The following MIPEP variants were observed in gnomAD, a reference collection of about 807,000 sequenced individuals.
The protein encoded by MIPEP is mitochondrial intermediate peptidase.
In MIPEP, 79 loss-of-function variants were observed where a neutral mutation model predicts 90.3. The observed-to-expected ratio is 0.87, with a 90% CI of 0.73 to 1.05. The LOEUF (loss-of-function observed/expected upper bound fraction) is 1.05, where lower values mean the gene tolerates loss of function less well. MIPEP is among the 50% of genes least tolerant of loss of function. The pLI, the probability that MIPEP is intolerant of heterozygous loss-of-function variation, is 0.00. For synonymous variants in MIPEP, 334 were observed against 315.8 expected (o/e 1.06, Z -0.61); for missense variants, 940 against 905.6 (o/e 1.04, Z -0.49).
intron 10 of MIPEP, among the ~76,000 whole-genome samples, chr13:23,848,434 G>T (rs577789136): frequency 6.6e-4 from 100 of 151,484 alleles, no homozygotes; most frequent in Non-Finnish European, 1.2e-3. Flanking sequence ...TTAATCACCT[G>T]CCATGTGCCT....
chr13:23,800,603 AGAGT>A (rs1953024501), intron 16 of MIPEP, among the ~76,000 whole-genome samples: 1 of 152,242 alleles, frequency 6.6e-6, no homozygotes, highest in Admixed American at 6.5e-5. Flanking sequence ...TATTTTATAC[AGAGT>A]GACTCAGCAT....
intron 18 of MIPEP, among the ~76,000 whole-genome samples, chr13:23,734,402 T>C (rs972878338): frequency 2.6e-5 from 4 of 152,214 alleles, no homozygotes; most frequent in African/African-American, 9.6e-5. Flanking sequence ...ATCATTTTGG[T>C]GCGTTGGCCG....
chr13:23,792,751 C>T (rs1008466947), intron 16 of MIPEP, among the ~76,000 whole-genome samples: 9 of 152,216 alleles, frequency 5.9e-5, no homozygotes, highest in African/African-American at 2.2e-4. Context: ...TTACATTCCA[C>T]ATTCCATCTG....
At chr13:23,861,000 CA>C (rs1334872221) in intron 9 of MIPEP, among the ~76,000 whole-genome samples, 1 of 152,076 alleles carries the variant, frequency 6.6e-6, no homozygotes, top group African/African-American at 2.4e-5. Context: ...GAGCTCACCC[CA>C]GTTTTTGATT....
At chr13:23,848,657 T>C (rs1013956139) in intron 10 of MIPEP, among the ~76,000 whole-genome samples, 4 of 152,028 alleles carry the variant, frequency 2.6e-5, no homozygotes, top group African/African-American at 9.7e-5. Flanking sequence ...CCTGGAAAGA[T>C]GAGGCTCCTA....
At chr13:23,784,215 T>A (rs546366675) in intron 16 of MIPEP, among the ~76,000 whole-genome samples, 6 of 152,292 alleles carry the variant, frequency 3.9e-5, no homozygotes, top group Admixed American at 6.5e-5. Context: ...GCTGGAGGCA[T>A]CATGCTACCT....
intron 18 of MIPEP, among the ~76,000 whole-genome samples, chr13:23,739,718 C>T (rs552415575): frequency 1.1e-3 from 162 of 152,334 alleles, no homozygotes; most frequent in African/African-American, 3.8e-3. Flanking sequence ...TGCCTGCAGG[C>T]CAAGCTCCCT....
intron 12 of MIPEP, 73 bp from the exon 13 acceptor site, chr13:23,837,829 T>C: frequency 1.6e-6 from 2 of 1,224,914 alleles, no homozygotes; most frequent in South Asian, 1.4e-5. Flanking sequence ...TCTTAATGAA[T>C]ATAAAATTTC....
At chr13:23,817,868 C>T (rs1187291769) in intron 14 of MIPEP, among the ~76,000 whole-genome samples, 2 of 151,986 alleles carry the variant, frequency 1.3e-5, no homozygotes, top group African/African-American at 2.4e-5. Flanking sequence ...TGAATGAACA[C>T]TTAATAACTC....
At chr13:23,739,875 G>A (rs143696629) in intron 18 of MIPEP, among the ~76,000 whole-genome samples, 6 of 152,356 alleles carry the variant, frequency 3.9e-5, no homozygotes, top group Admixed American at 3.9e-4. Flanking sequence ...AGATATGAGT[G>A]AGACATGATT....
Position 23,793,928 on chromosome 13 carries a change from G to A in MIPEP, c.1848+12022C>T, listed in dbSNP as rs547754735. Among the ~76,000 whole-genome samples the A allele has an allele frequency of 7.2e-5, 11 of 152,214 alleles. No individual in the cohort carries two copies. In the South Asian group the frequency reaches 2.3e-3, roughly 32 times the overall value. On this transcript the variant is annotated intron_variant, in intron 16 of 18. Coordinates refer to ENST00000382172, the MANE Select transcript of MIPEP (RefSeq NM_005932.4). ...CGCAGGAACTTGCAAGTGGGCAAAG[G>A]ACTCTGGCCTTTAGCTTAAGATCAA... is the stretch of plus-strand genomic sequence containing the variant.
At chr13:23,763,880 T>C (rs1229924149) in intron 16 of MIPEP, among the ~76,000 whole-genome samples, 1 of 152,238 alleles carries the variant, frequency 6.6e-6, no homozygotes, top group Non-Finnish European at 1.5e-5. Context: ...TGCAAGTCTG[T>C]GGCTAAGACC....
At chr13:23,829,662 C>G (rs73158582) in intron 14 of MIPEP, among the ~76,000 whole-genome samples, 3,173 of 152,132 alleles carry the variant, frequency 0.021, 47 homozygotes, top group Non-Finnish European at 0.033. Context: ...GAAAAATAAG[C>G]CAGGTGTAGT....
At chr13:23,874,959 CA>C in intron 4 of MIPEP, 50 bp from the exon 5 acceptor site, 7 of 1,510,362 alleles carry the variant, frequency 4.6e-6, no homozygotes, top group Admixed American at 4.8e-5. Flanking sequence ...AAATTGCTAA[CA>C]AAAAAATTGT....
intron 18 of MIPEP, among the ~76,000 whole-genome samples, chr13:23,751,142 C>T (rs1324971): frequency 0.14 from 21,640 of 152,152 alleles, 1,830 homozygotes; most frequent in South Asian, 0.23. Flanking sequence ...TAGATATCTT[C>T]ATTGTTTGCA....
intron 16 of MIPEP, among the ~76,000 whole-genome samples, chr13:23,797,473 T>C (rs1952975829): frequency 6.6e-6 from 1 of 152,198 alleles, no homozygotes; most frequent in African/African-American, 2.4e-5. Flanking sequence ...CCCCCACAGA[T>C]GGCTCATTTT....
intron 14 of MIPEP, among the ~76,000 whole-genome samples, chr13:23,826,993 T>C (rs1868483667): frequency 6.6e-6 from 1 of 152,250 alleles, no homozygotes; most frequent in Admixed American, 6.5e-5. Flanking sequence ...ATATAGCGTT[T>C]ACATTGTGTT....
At chr13:23,736,435 A>G (rs1952264307) in intron 18 of MIPEP, among the ~76,000 whole-genome samples, 1 of 152,202 alleles carries the variant, frequency 6.6e-6, no homozygotes, top group African/African-American at 2.4e-5. Context: ...TACCTGAGAG[A>G]CAAATGGGCT....
chr13:23,731,918 G>A (rs991780653), intron 18 of MIPEP, among the ~76,000 whole-genome samples: 3 of 145,674 alleles, frequency 2.1e-5, no homozygotes, highest in African/African-American at 7.5e-5. Context: ...CTAGGGAAAT[G>A]AAAACCAAAC....
Sources: gnomAD v4.1 joint callset for allele counts (sites outside exome capture counted in the v4.1 genomes callset) on GRCh38, gnomAD v4.1.1 for gene constraint, MANE v1.5 for transcripts, NCBI Gene and HGNC (gene_info 2026-07-23, HGNC 2026-07-21) for gene names.